Variants in OGDH observed in about 807,000 individuals in gnomAD.
OGDH encodes 2-oxoglutarate dehydrogenase complex component E1.
A neutral mutation model predicts 116.6 loss-of-function variants in OGDH; 38 were observed. The ratio of observed to expected loss-of-function variants is 0.33; its 90% CI spans 0.25 to 0.43. The LOEUF (loss-of-function observed/expected upper bound fraction) is 0.43, where lower values mean the gene tolerates loss of function less well. OGDH is among the 20% of genes least tolerant of loss of function. The probability of loss-of-function intolerance (pLI) is 1.00; values close to 1 mark genes in which losing one functional copy is unlikely to be tolerated. For synonymous variants in OGDH, 488 were observed against 533.3 expected (o/e 0.92, Z 1.17); for missense variants, 825 against 1,357.2 (o/e 0.61, Z 6.16).
chr7:44,696,268 C>T (rs754645708), intron 13 of OGDH, 141 bp downstream of exon 13: 24 of 1,061,946 alleles, frequency 2.3e-5, no homozygotes, highest in Non-Finnish European at 3.1e-5. Flanking sequence ...AAGCCCCCTG[C>T]AGACCCTGGA....
chr7:44,618,231 T>G lies in OGDH; in HGVS notation c.-27-6086T>G, dbSNP rs1193223920. Among the ~76,000 whole-genome samples, 3 of 152,228 alleles carry G rather than the reference T, an allele frequency of 2.0e-5. No homozygotes were observed. The East Asian group carries it at 5.8e-4, about 29-fold the overall frequency. On this transcript the variant is annotated intron_variant, in intron 1 of 22. Transcript: ENST00000222673. ...CATTTTTTCTTACACATTAAAAAAA[T>G]AACTTTATTGAGACATAATTCACAT...
chr7:44,628,760 A>AG (rs1245825669), intron 2 of OGDH, among the ~76,000 whole-genome samples: 1 of 152,082 alleles, frequency 6.6e-6, no homozygotes, highest in Non-Finnish European at 1.5e-5. Flanking sequence ...TCTTAAAAAA[A>AG]ACTTCTATTC....
Position 44,674,468 on chromosome 7 carries a change from C to T in OGDH, c.846C>T (p.Gly282=). 6.2e-7 allele frequency: 1 copy of T among 1,614,156 alleles called. No homozygotes were observed. The highest frequency in any genetic ancestry group is 8.5e-7 in the Non-Finnish European group (1 of 1,180,016). ...CTGAGAAGCGCTTTGGTCTAGAAGG[C>T]TGCGAGGTACTGATCCCTGCCCTCA... ...WSSEKRFGLE[G]CEVLIPALKT... Residue 282 remains glycine, a synonymous_variant, in exon 7 of 23, where the codon GGC becomes GGT. Coordinates refer to ENST00000222673, the MANE Select transcript of OGDH (RefSeq NM_002541.4).
At chr7:44,622,037 A>G (rs1429716907) in intron 1 of OGDH, among the ~76,000 whole-genome samples, 4 of 152,188 alleles carry the variant, frequency 2.6e-5, no homozygotes, top group Non-Finnish European at 5.9e-5. Context: ...TACGATTGTC[A>G]GTTCAGTGCC....
Position 44,632,808 on chromosome 7 carries a change from C to T in OGDH, c.222+8243C>T, listed in dbSNP as rs534018239. Among the ~76,000 whole-genome samples the T allele has an allele frequency of 5.3e-5, 8 of 151,734 alleles. No individual in the cohort carries two copies. The South Asian group carries it at 1.0e-3, about 20-fold the overall frequency. On this transcript the variant is annotated intron_variant, in intron 2 of 22. Coordinates refer to ENST00000222673, the MANE Select transcript of OGDH (RefSeq NM_002541.4). Reference sequence around the variant, plus strand: ...TAATTTTTTGTATTTTTAGTAGAGACGGGGTTTCGCCATGTTAGCCAGGAT... The same window carrying T: ...TAATTTTTTGTATTTTTAGTAGAGATGGGGTTTCGCCATGTTAGCCAGGAT...
At chr7:44,643,187 G>C (rs902403654) in intron 2 of OGDH, among the ~76,000 whole-genome samples, 3 of 151,768 alleles carry the variant, frequency 2.0e-5, no homozygotes, top group Non-Finnish European at 4.4e-5. Context: ...TATTGCCCAG[G>C]CCAGCCTTGA....
chr7:44,676,086 C>G lies in OGDH; in HGVS notation c.1143C>G (p.Asp381Glu). The G allele has an allele frequency of 6.2e-7, 1 of 1,614,026 alleles. No individual in the cohort carries two copies. Among genetic ancestry groups the G allele is most frequent in the Non-Finnish European group, 8.5e-7 (1 of 1,180,016 alleles). Residue 381 changes from aspartate (D) to glutamate (E), a missense_variant, in exon 9 of 23, where the codon GAC becomes GAG. Asp to Glu is a conservative substitution (Grantham distance 45). Transcript: ENST00000222673. ...VANPSHLEAA[D>E]PVVMGKTKAE... The stretch of plus-strand genomic sequence containing the variant: ...ACCCTTCCCACCTTGAGGCCGCTGA[C>G]CCCGTGGTGATGGGCAAGACCAAAG...
chr7:44,620,874 C>A (rs146348510), intron 1 of OGDH, among the ~76,000 whole-genome samples: 187 of 152,088 alleles, frequency 1.2e-3, no homozygotes, highest in African/African-American at 3.8e-3. Context: ...CTGTTTTAAA[C>A]CAAAAATCAA....
intron 13 of OGDH, 73 bp from the exon 14 acceptor site, chr7:44,696,356 C>T: frequency 6.4e-7 from 1 of 1,550,424 alleles, no homozygotes; most frequent in Middle Eastern, 1.7e-4. Flanking sequence ...TCCCCAAAAT[C>T]ACGTGTCTGC....
chr7:44,675,054 G>A, intron 7 of OGDH, 124 bp from the exon 8 acceptor site: 1 of 736,004 alleles, frequency 1.4e-6, no homozygotes, highest in Non-Finnish European at 2.4e-6. Flanking sequence ...GCTATCCTTG[G>A]GCTGCAAACC....
chr7:44,639,639 A>G (rs1472460383), intron 2 of OGDH, among the ~76,000 whole-genome samples: 3 of 152,200 alleles, frequency 2.0e-5, no homozygotes, highest in African/African-American at 7.2e-5. Context: ...ACTCAATTCA[A>G]AAACCTTTTA....
At chr7:44,653,273 A>T (rs1036300960) in intron 4 of OGDH, among the ~76,000 whole-genome samples, 1 of 151,968 alleles carries the variant, frequency 6.6e-6, no homozygotes, top group Non-Finnish European at 1.5e-5. Flanking sequence ...TTGTATTTTT[A>T]GTAGAGAAGG....
At chr7:44,672,042 C>T (rs1471553692) in intron 5 of OGDH, among the ~76,000 whole-genome samples, 2 of 152,114 alleles carry the variant, frequency 1.3e-5, no homozygotes, top group East Asian at 3.9e-4. Context: ...GCACTCCAGC[C>T]TGGGTGACAG....
intron 4 of OGDH, among the ~76,000 whole-genome samples, chr7:44,657,254 A>G (rs1008458264): frequency 6.6e-6 from 1 of 152,044 alleles, no homozygotes; most frequent in Non-Finnish European, 1.5e-5. Flanking sequence ...CTTCCCTCCC[A>G]TCCCAGCCAC....
In OGDH at chr7:44,657,601, A is replaced by G. The variant is rs956187179; in HGVS notation, c.518-9135A>G. Among the ~76,000 whole-genome samples, 6 of 151,880 alleles carry G rather than the reference A, an allele frequency of 4.0e-5. No homozygotes were observed. The East Asian group carries it at 1.2e-3, about 29-fold the overall frequency. On this transcript the variant is annotated intron_variant, in intron 4 of 22. Coordinates refer to ENST00000222673, the MANE Select transcript of OGDH (RefSeq NM_002541.4). ...TAATCTTTTTTCCCCCTCGTTTCCTACCTCAGCTTCTATGCCCTAAGTTTT... is the reference window on the plus strand; with the variant it reads ...TAATCTTTTTTCCCCCTCGTTTCCTGCCTCAGCTTCTATGCCCTAAGTTTT...
chr7:44,655,477 C>A (rs1053484985), intron 4 of OGDH, among the ~76,000 whole-genome samples: 22 of 152,144 alleles, frequency 1.4e-4, no homozygotes, highest in African/African-American at 5.1e-4. Context: ...AAAGGAAGCA[C>A]TTGCTGGCCT....
chr7:44,669,779 C>T (rs983731121), intron 5 of OGDH, among the ~76,000 whole-genome samples: 17 of 152,132 alleles, frequency 1.1e-4, no homozygotes, highest in Admixed American at 3.9e-4. Context: ...TGTATGCGCT[C>T]CTGGCCCCAG....
chr7:44,677,278 G>A (rs1341334699), intron 9 of OGDH, among the ~76,000 whole-genome samples: 1 of 152,152 alleles, frequency 6.6e-6, no homozygotes, highest in Non-Finnish European at 1.5e-5. Context: ...GTGTAAAGAA[G>A]CAAATAGCAC....
intron 2 of OGDH, among the ~76,000 whole-genome samples, chr7:44,643,383 G>A (rs1180276690): frequency 1.3e-5 from 2 of 151,794 alleles, no homozygotes; most frequent in African/African-American, 4.8e-5. Flanking sequence ...ATTATAGAAT[G>A]TTTTAAATAT....
Sources: allele counts gnomAD v4.1 joint callset (sites outside exome capture counted in the v4.1 genomes callset), GRCh38; gene constraint gnomAD v4.1.1; transcripts MANE v1.5; gene names NCBI Gene and HGNC (gene_info 2026-07-23, HGNC 2026-07-21).